Variants in DPP10 observed in about 807,000 individuals in gnomAD.
The protein encoded by DPP10 is dipeptidyl peptidase like 10.
DPP10 carries 33 observed loss-of-function variants against 120.9 expected under a neutral mutation model. That is an observed-to-expected ratio of 0.27 (90% CI 0.21 to 0.37). DPP10 has a LOEUF of 0.37. Ranked by LOEUF, DPP10 falls within the 10% of genes least tolerant of loss-of-function variation. The pLI is 1.00. For missense variants in DPP10, 816 were observed against 942.8 expected (o/e 0.87, Z 1.76); for synonymous variants, 337 against 326.1 (o/e 1.03, Z -0.36).
chr2:115,320,741 G>T (rs940596216), intron 2 of DPP10, among the ~76,000 whole-genome samples: 1 of 151,910 alleles, frequency 6.6e-6, no homozygotes, highest in Non-Finnish European at 1.5e-5. Context: ...ATAAAGATGA[G>T]TCACAAGCCA....
At chr2:115,587,249 G>T (rs1029784041) in intron 5 of DPP10, among the ~76,000 whole-genome samples, 11 of 151,648 alleles carry the variant, frequency 7.3e-5, no homozygotes, top group African/African-American at 2.7e-4. Context: ...AGGCTCCCGC[G>T]ACCACGCCCA....
intron 1 of DPP10, among the ~76,000 whole-genome samples, chr2:114,986,602 T>G (rs1246235769): frequency 6.6e-6 from 1 of 152,090 alleles, no homozygotes; most frequent in Non-Finnish European, 1.5e-5. Flanking sequence ...TGAACATGAA[T>G]TCATTTAAAA....
At chr2:115,208,404 T>C (rs1417182948) in intron 1 of DPP10, among the ~76,000 whole-genome samples, 1 of 152,054 alleles carries the variant, frequency 6.6e-6, no homozygotes, top group East Asian at 1.9e-4. Flanking sequence ...TTATTAACTT[T>C]ATCATTGAGC....
chr2:114,546,620 G>A (rs561691933), intron 1 of DPP10, among the ~76,000 whole-genome samples: 8 of 152,280 alleles, frequency 5.3e-5, no homozygotes, highest in Non-Finnish European at 1.0e-4. Flanking sequence ...TCCCTTGACA[G>A]AACAGTCAAG....
intron 1 of DPP10, among the ~76,000 whole-genome samples, chr2:114,834,220 TATATATAGGCCATATCTACACACC>T (rs1423270931): frequency 6.6e-6 from 1 of 150,730 alleles, no homozygotes; most frequent in South Asian, 2.1e-4. Flanking sequence ...CACCTATGTA[TATATATAGGCCATATCTACACACC>T]TATGTATATA....
intron 1 of DPP10, among the ~76,000 whole-genome samples, chr2:115,184,339 C>T (rs2054284310): frequency 6.6e-6 from 1 of 152,088 alleles, no homozygotes; most frequent in Non-Finnish European, 1.5e-5. Flanking sequence ...CTTGAGCTGA[C>T]CCTGTATTGG....
intron 1 of DPP10, among the ~76,000 whole-genome samples, chr2:114,730,399 G>C (rs528420198): frequency 1.3e-5 from 2 of 152,318 alleles, no homozygotes; most frequent in Non-Finnish European, 2.9e-5. Flanking sequence ...AGGCCTTCAG[G>C]AGGGACAGTA....
At chr2:114,862,618 G>C (rs1314679244) in intron 1 of DPP10, among the ~76,000 whole-genome samples, 1 of 151,926 alleles carries the variant, frequency 6.6e-6, no homozygotes, top group Non-Finnish European at 1.5e-5. Flanking sequence ...CTAAAAAAGA[G>C]CAAAAAGGAA....
chr2:115,083,403 C>T (rs949095060), intron 1 of DPP10, among the ~76,000 whole-genome samples: 10 of 152,180 alleles, frequency 6.6e-5, no homozygotes, highest in Admixed American at 2.0e-4. Flanking sequence ...TATGTAACTG[C>T]GTTCTTCTCT....
chr2:115,806,809 A>T (rs1023201965), intron 19 of DPP10, among the ~76,000 whole-genome samples: 9 of 152,100 alleles, frequency 5.9e-5, no homozygotes, highest in Non-Finnish European at 1.2e-4. Flanking sequence ...TTAAAGATAC[A>T]CACACTTTGT....
At chr2:114,789,689 C>T (rs1683079088) in intron 1 of DPP10, among the ~76,000 whole-genome samples, 1 of 152,126 alleles carries the variant, frequency 6.6e-6, no homozygotes, top group Admixed American at 6.5e-5. Context: ...AAGAAATCAC[C>T]AAGTTTCAGC....
At chr2:114,744,427 G>A (rs1678366510) in intron 1 of DPP10, among the ~76,000 whole-genome samples, 1 of 152,196 alleles carries the variant, frequency 6.6e-6, no homozygotes, top group Non-Finnish European at 1.5e-5. Flanking sequence ...AACGGTAGTT[G>A]AATTTGTCAT....
intron 5 of DPP10, among the ~76,000 whole-genome samples, chr2:115,678,932 T>C (rs958871534): frequency 6.6e-6 from 1 of 152,226 alleles, no homozygotes; most frequent in Non-Finnish European, 1.5e-5. Flanking sequence ...GATTTTGGAC[T>C]TGCATGGGGC....
intron 1 of DPP10, among the ~76,000 whole-genome samples, chr2:114,510,554 G>A (rs1274774843): frequency 3.3e-5 from 5 of 152,180 alleles, no homozygotes; most frequent in Non-Finnish European, 7.4e-5. Flanking sequence ...CAGTGAGCAA[G>A]ACTGCGCCAT....
At chr2:115,603,051 A>G (rs1170443649) in intron 5 of DPP10, among the ~76,000 whole-genome samples, 1 of 152,012 alleles carries the variant, frequency 6.6e-6, no homozygotes, top group Non-Finnish European at 1.5e-5. Flanking sequence ...TCTACCTGAC[A>G]TGTTTAAGGG....
At chr2:115,489,256 TAGAA>T (rs1440545642) in intron 3 of DPP10, among the ~76,000 whole-genome samples, 1 of 151,706 alleles carries the variant, frequency 6.6e-6, no homozygotes, top group East Asian at 1.9e-4. Context: ...AAACAGTTCT[TAGAA>T]AGCCAGATTA....
Position 115,153,854 on chromosome 2 carries a change from T to A in DPP10, c.61-155385T>A, listed in dbSNP as rs373703030. Among the ~76,000 whole-genome samples the A allele has an allele frequency of 8.3e-4, 126 of 152,320 alleles. 2 individuals are homozygous for A. In the South Asian group the frequency reaches 0.026, roughly 31 times the overall value. On this transcript the variant is annotated intron_variant, in intron 1 of 25. Transcript: ENST00000410059. ...CTAAGTGGTACTAAGTTGTTATTATTTTAAGTGGAGGGGCCAGTGTTTTCT... is the reference window on the plus strand; with the variant it reads ...CTAAGTGGTACTAAGTTGTTATTATATTAAGTGGAGGGGCCAGTGTTTTCT...
chr2:115,686,207 T>C (rs886970648), intron 5 of DPP10, among the ~76,000 whole-genome samples: 3 of 152,144 alleles, frequency 2.0e-5, no homozygotes, highest in Admixed American at 1.3e-4. Flanking sequence ...ACCAGTCACT[T>C]CTGCCCCCAA....
chr2:115,476,550 G>A (rs2075094760), intron 3 of DPP10, among the ~76,000 whole-genome samples: 2 of 152,148 alleles, frequency 1.3e-5, no homozygotes, highest in South Asian at 4.1e-4. Context: ...AAAGTTAGGG[G>A]TAAGATGCCA....
Sources: gnomAD v4.1 joint callset for allele counts (sites outside exome capture counted in the v4.1 genomes callset) on GRCh38, gnomAD v4.1.1 for gene constraint, MANE v1.5 for transcripts, NCBI Gene and HGNC (gene_info 2026-07-23, HGNC 2026-07-21) for gene names.